Variants in AGMO observed in about 807,000 individuals in gnomAD.
AGMO encodes the protein alkylglycerol monooxygenase, also known as glyceryl-ether monooxygenase.
AGMO carries 75 observed loss-of-function variants against 60.2 expected under a neutral mutation model. The ratio of observed to expected loss-of-function variants is 1.25; its 90% CI spans 1.03 to 1.51. AGMO has a LOEUF of 1.51. Among genes scored for constraint, AGMO ranks in the 40% most tolerant of loss-of-function variants. AGMO has a pLI of 0.00. For synonymous variants in AGMO, 261 were observed against 177.1 expected (o/e 1.47, Z -3.76); for missense variants, 763 against 525.5 (o/e 1.45, Z -4.42).
At chr7:15,165,578 A>C in the AGMO span, among the ~76,000 whole-genome samples, 5 of 152,174 alleles carry the variant, frequency 3.3e-5, no homozygotes, top group African/African-American at 1.2e-4. Context: ...TTATTTTAAA[A>C]GTCGAGAAAA....
intron 5 of AGMO, among the ~76,000 whole-genome samples, chr7:15,396,749 AT>A (rs1784406431): frequency 6.6e-6 from 1 of 151,252 alleles, no homozygotes; most frequent in South Asian, 2.1e-4. Flanking sequence ...TGATTGGTCC[AT>A]TTTACGGAGA....
At chr7:15,524,866 A>AG (rs1053709706) in intron 3 of AGMO, among the ~76,000 whole-genome samples, 4 of 151,390 alleles carry the variant, frequency 2.6e-5, no homozygotes, top group Non-Finnish European at 5.9e-5. Context: ...CCATCTCAAA[A>AG]AAAAAAAAAA....
intron 12 of AGMO, among the ~76,000 whole-genome samples, chr7:15,266,818 C>A (rs559180834): frequency 5.3e-5 from 8 of 151,728 alleles, no homozygotes; most frequent in Non-Finnish European, 8.8e-5. Flanking sequence ...AAGAATCTGA[C>A]TGGTGCAACA....
At position 15,387,487 on chromosome 7, in the gene AGMO, G is replaced by T; in HGVS notation, c.876C>A (p.Phe292Leu). ...WTTFWATPGFFNKFSVIFKGP... is the reference protein window; with the variant it reads ...WTTFWATPGFLNKFSVIFKGP... Reference sequence around the variant, plus strand: ...CCTTAAATATGACAGAAAACTTATTGAAGAATCCAGGTGTGGCCCAGAATG... The same window carrying T: ...CCTTAAATATGACAGAAAACTTATTTAAGAATCCAGGTGTGGCCCAGAATG... The change falls in exon 9 of 13, where the codon TTC (phenylalanine) becomes TTA (leucine). Residue 292 changes from phenylalanine to leucine, a missense_variant. Physicochemically the swap from Phe to Leu is conservative, Grantham distance 22. Transcript: ENST00000342526. 1.2e-6 allele frequency: 2 copies of T among 1,613,860 alleles called. No homozygotes were observed. The highest frequency in any genetic ancestry group is 1.7e-6 in the Non-Finnish European group (2 of 1,179,878).
chr7:15,436,077 T>C (rs917368182), intron 3 of AGMO, among the ~76,000 whole-genome samples: 4 of 152,142 alleles, frequency 2.6e-5, no homozygotes, highest in African/African-American at 9.7e-5. Flanking sequence ...TCCCTAGTTA[T>C]AAAGGAAGAA....
At chr7:15,192,608 C>T in the AGMO span, among the ~76,000 whole-genome samples, 1 of 152,120 alleles carries the variant, frequency 6.6e-6, no homozygotes, top group South Asian at 2.1e-4. Flanking sequence ...ACCAAGAGCG[C>T]AGGGTGTAAA....
chr7:15,282,047 G>T (rs913918075), intron 12 of AGMO, among the ~76,000 whole-genome samples: 6 of 151,694 alleles, frequency 4.0e-5, no homozygotes, highest in Non-Finnish European at 7.4e-5. Flanking sequence ...ACATCTCCAA[G>T]GAAAAATAAA....
At chr7:15,126,414 C>T in the AGMO span, among the ~76,000 whole-genome samples, 1 of 152,082 alleles carries the variant, frequency 6.6e-6, no homozygotes, top group Non-Finnish European at 1.5e-5. Context: ...GTAGTTGCCC[C>T]TTACTGTGCT....
intron 10 of AGMO, among the ~76,000 whole-genome samples, chr7:15,383,223 T>A (rs1486275269): frequency 2.0e-5 from 3 of 152,168 alleles, no homozygotes; most frequent in Admixed American, 6.5e-5. Context: ...TTGGTAGCCA[T>A]CTTGCCACCA....
intron 3 of AGMO, among the ~76,000 whole-genome samples, chr7:15,442,966 G>A (rs1182805384): frequency 1.3e-5 from 2 of 152,178 alleles, no homozygotes; most frequent in East Asian, 3.9e-4. Flanking sequence ...GTGGAGTTTG[G>A]CTAGGGAGGT....
intron 12 of AGMO, among the ~76,000 whole-genome samples, chr7:15,264,653 A>G (rs1032149704): frequency 1.3e-5 from 2 of 152,120 alleles, no homozygotes; most frequent in Non-Finnish European, 2.9e-5. Context: ...AAGAAGGCAT[A>G]CAAGCATTCA....
At chr7:15,235,411 C>T (rs1163486680) in intron 12 of AGMO, among the ~76,000 whole-genome samples, 2 of 152,110 alleles carry the variant, frequency 1.3e-5, no homozygotes, top group South Asian at 2.1e-4. Context: ...TGGAATTCAA[C>T]TATTTGCTTT....
At chr7:15,263,264 A>C (rs1381713005) in intron 12 of AGMO, among the ~76,000 whole-genome samples, 2 of 152,066 alleles carry the variant, frequency 1.3e-5, no homozygotes, top group Non-Finnish European at 2.9e-5. Context: ...AACCAGGCTA[A>C]GGACATGAAT....
chr7:15,320,639 G>A (rs2128538210), intron 12 of AGMO, among the ~76,000 whole-genome samples: 1 of 152,184 alleles, frequency 6.6e-6, no homozygotes, highest in Admixed American at 6.6e-5. Context: ...CAGAGAAGCT[G>A]AATTTTTTCA....
the AGMO span, among the ~76,000 whole-genome samples, chr7:15,156,106 T>A: frequency 6.6e-6 from 1 of 152,128 alleles, no homozygotes; most frequent in Admixed American, 6.5e-5. Flanking sequence ...CTTGTACATA[T>A]GCACACCAGT....
chr7:15,329,838 C>T (rs1781448616), intron 12 of AGMO, among the ~76,000 whole-genome samples: 1 of 152,112 alleles, frequency 6.6e-6, no homozygotes, highest in African/African-American at 2.4e-5. Flanking sequence ...AAGGAAGCTT[C>T]ATATCCCACG....
chr7:15,277,394 T>TTAC (rs1483844508), intron 12 of AGMO, among the ~76,000 whole-genome samples: 4 of 152,148 alleles, frequency 2.6e-5, no homozygotes, highest in Admixed American at 2.0e-4. Context: ...TTAGGGTCTA[T>TTAC]TACTAGAGAG....
In AGMO at chr7:15,529,038, C is replaced by CA. The variant is rs541358368; in HGVS notation, c.409+15733dup. ...CATCAACTTAAAAGACACAAAAAGA[C>CA]AAAAAAAACCTTGTGGATAAACATT... On this transcript the variant is annotated intron_variant, in intron 3 of 12. Transcript: ENST00000342526. Among the ~76,000 whole-genome samples, 27 of 151,402 alleles carry CA rather than the reference C, an allele frequency of 1.8e-4. No homozygotes were observed. In the East Asian group the frequency reaches 4.3e-3, roughly 24 times the overall value.
At chr7:15,142,890 G>A in the AGMO span, among the ~76,000 whole-genome samples, 5 of 152,178 alleles carry the variant, frequency 3.3e-5, no homozygotes, top group East Asian at 9.7e-4. Flanking sequence ...AGTTGTTATC[G>A]CATTTAATCC....
Sources: allele counts gnomAD v4.1 joint callset (sites outside exome capture counted in the v4.1 genomes callset), GRCh38; gene constraint gnomAD v4.1.1; transcripts MANE v1.5; gene names NCBI Gene and HGNC (gene_info 2026-07-23, HGNC 2026-07-21).